The following TNRC6B variants were observed in gnomAD, a reference collection of about 807,000 sequenced individuals.
TNRC6B encodes the protein trinucleotide repeat containing adaptor 6B.
A neutral mutation model predicts 203.6 loss-of-function variants in TNRC6B; 52 were observed. That is an observed-to-expected ratio of 0.26 (90% CI 0.20 to 0.32). TNRC6B has a LOEUF of 0.32. TNRC6B is among the 10% of genes least tolerant of loss of function. TNRC6B has a pLI of 1.00. For synonymous variants in TNRC6B, 838 were observed against 845.7 expected, an observed-to-expected ratio of 0.99 and a Z score of 0.16; for missense variants, 1,923 against 2,286.2, an observed-to-expected ratio of 0.84 and a Z score of 3.24.
intron 1 of TNRC6B, among the ~76,000 whole-genome samples, chr22:40,079,398 A>G (rs558822869): frequency 2.1e-4 from 32 of 152,192 alleles, no homozygotes; most frequent in African/African-American, 7.0e-4. Flanking sequence ...GGGTGAATGT[A>G]ATGACCTGAA....
chr22:40,307,664 C>G (rs1414660820), intron 15 of TNRC6B, among the ~76,000 whole-genome samples: 3 of 151,990 alleles, frequency 2.0e-5, no homozygotes, highest in Non-Finnish European at 4.4e-5. Flanking sequence ...ACCTGGGGCT[C>G]TTGGCAAAGT....
intron 21 of TNRC6B, among the ~76,000 whole-genome samples, chr22:40,316,672 G>C (rs1313136987): frequency 6.6e-6 from 1 of 152,156 alleles, no homozygotes; most frequent in Non-Finnish European, 1.5e-5. Context: ...TGGCAGATAT[G>C]AAAGTTCATC....
chr22:40,102,230 T>C (rs1008372724), intron 1 of TNRC6B, among the ~76,000 whole-genome samples: 56 of 152,208 alleles, frequency 3.7e-4, no homozygotes, highest in African/African-American at 1.2e-3. Flanking sequence ...GAGGGAGATA[T>C]TGTGCCAGAT....
chr22:40,256,165 G>A (rs1042711313), intron 3 of TNRC6B, among the ~76,000 whole-genome samples: 52 of 152,286 alleles, frequency 3.4e-4, no homozygotes, highest in African/African-American at 1.2e-3. Flanking sequence ...TTTCTGACTT[G>A]AGCAGCTGGT....
chr22:40,074,484 A>C (rs2067987436), intron 1 of TNRC6B, among the ~76,000 whole-genome samples: 1 of 151,962 alleles, frequency 6.6e-6, no homozygotes, highest in Non-Finnish European at 1.5e-5. Flanking sequence ...TCTCTATAAA[A>C]AATAAAGAAA....
At chr22:40,133,249 C>T (rs1452708878) in intron 3 of TNRC6B, among the ~76,000 whole-genome samples, 1 of 151,900 alleles carries the variant, frequency 6.6e-6, no homozygotes, top group Non-Finnish European at 1.5e-5. Flanking sequence ...TGTGGATTTA[C>T]TGACACATGC....
intron 1 of TNRC6B, among the ~76,000 whole-genome samples, chr22:40,049,731 G>A (rs1270871212): frequency 6.6e-6 from 1 of 152,086 alleles, no homozygotes; most frequent in African/African-American, 2.4e-5. Context: ...AGCCTCCCAA[G>A]TAGCTGGGAT....
chr22:40,240,024 G>A (rs2070006742), intron 1 of TNRC6B, among the ~76,000 whole-genome samples: 1 of 151,836 alleles, frequency 6.6e-6, no homozygotes, highest in Non-Finnish European at 1.5e-5. Flanking sequence ...GTAGAGATGG[G>A]GTTTCGCCAT....
At chr22:40,088,308 C>T (rs2068117933) in intron 1 of TNRC6B, among the ~76,000 whole-genome samples, 1 of 152,238 alleles carries the variant, frequency 6.6e-6, no homozygotes, top group African/African-American at 2.4e-5. Flanking sequence ...CTTCTGACTA[C>T]AGACCCAGTG....
At chr22:40,162,519 A>G (rs952904574) in intron 4 of TNRC6B, among the ~76,000 whole-genome samples, 6 of 152,252 alleles carry the variant, frequency 3.9e-5, no homozygotes, top group African/African-American at 1.4e-4. Context: ...AACACAGGGC[A>G]AAGTAAAAAT....
rs189660376 is a variant in TNRC6B, at chr22:40,246,603, A to T, written c.93+501A>T. Among the ~76,000 whole-genome samples the T allele has an allele frequency of 4.1e-4, 63 of 152,380 alleles. No homozygotes were observed. In the East Asian group the frequency reaches 0.012, roughly 29 times the overall value. ...TTTGTTACCATAAAGTAGATGTTAA[A>T]TAATGCTATGGCTGAGTTTTTGAAA... On this transcript the variant is annotated intron_variant, in intron 2 of 22. Transcript: ENST00000454349.
chr22:40,113,288 T>G (rs1484635390), intron 1 of TNRC6B, among the ~76,000 whole-genome samples: 2 of 152,212 alleles, frequency 1.3e-5, no homozygotes, highest in African/African-American at 2.4e-5. Flanking sequence ...TTTCCAGGTC[T>G]TGGAATGATG....
chr22:40,296,506 G>A (rs1601500046), intron 12 of TNRC6B, among the ~76,000 whole-genome samples: 2 of 151,694 alleles, frequency 1.3e-5, no homozygotes, highest in African/African-American at 4.8e-5. Context: ...TAATTTTTTT[G>A]TATTTTTAGT....
intron 1 of TNRC6B, among the ~76,000 whole-genome samples, chr22:40,102,144 AT>A (rs200012743): frequency 1.3e-5 from 2 of 152,218 alleles, no homozygotes; most frequent in Non-Finnish European, 2.9e-5. Context: ...ATATGAATAT[AT>A]TTTTTTAAAA....
chr22:40,266,741 T>C lies in TNRC6B; in HGVS notation c.2511T>C (p.Ser837=). The part of the protein sequence containing the change: ...QQPPPPQPEA[S]GSWGGPPPPP... ...CGCCGCCACCACAACCAGAGGCTTC[T>C]GGTTCGTGGGGAGGCCCACCCCCAC... Residue 837 remains serine, a synonymous_variant, in exon 5 of 23, where the codon TCT becomes TCC. Transcript: ENST00000454349. 1 of 1,613,952 alleles carries C rather than the reference T, an allele frequency of 6.2e-7. No homozygotes were observed. Among genetic ancestry groups the C allele is most frequent in the Non-Finnish European group, 8.5e-7 (1 of 1,179,866 alleles).
chr22:40,110,730 G>GGGT, intron 1 of TNRC6B, among the ~76,000 whole-genome samples: 1 of 152,184 alleles, frequency 6.6e-6, no homozygotes, highest in Non-Finnish European at 1.5e-5. Flanking sequence ...TCTTGTGCCA[G>GGGT]GGTCCTACCA....
intron 1 of TNRC6B, among the ~76,000 whole-genome samples, chr22:40,237,508 G>C (rs138426448): frequency 6.6e-6 from 1 of 152,182 alleles, no homozygotes; most frequent in African/African-American, 2.4e-5. Flanking sequence ...TTGCAGCCAC[G>C]GTGCCCAGTT....
At chr22:40,167,090 A>G (rs1460366849) in intron 4 of TNRC6B, among the ~76,000 whole-genome samples, 1 of 152,148 alleles carries the variant, frequency 6.6e-6, no homozygotes, top group African/African-American at 2.4e-5. Context: ...AGTGCCGCAT[A>G]TTTCAGTCAT....
At chr22:40,269,292 C>T (rs1396286586) in intron 5 of TNRC6B, among the ~76,000 whole-genome samples, 1 of 151,742 alleles carries the variant, frequency 6.6e-6, no homozygotes, top group African/African-American at 2.4e-5. Flanking sequence ...GTCGTCACGC[C>T]CAGCTAATTT....
Sources: gnomAD v4.1 joint callset for allele counts (sites outside exome capture counted in the v4.1 genomes callset) on GRCh38, gnomAD v4.1.1 for gene constraint, MANE v1.5 for transcripts, NCBI Gene and HGNC (gene_info 2026-07-23, HGNC 2026-07-21) for gene names.